Variants in MAPK14 observed in about 807,000 individuals in gnomAD.
MAPK14 encodes the protein CSAID-binding protein.
Under a neutral mutation model 49.6 loss-of-function variants are expected in MAPK14, and 16 were observed. That is an observed-to-expected ratio of 0.32 (90% CI 0.22 to 0.49). MAPK14 has a LOEUF of 0.49. MAPK14 is among the 20% of genes least tolerant of loss of function. MAPK14 has a pLI of 0.99. For synonymous variants in MAPK14, 142 were observed against 158.0 expected (o/e 0.90, Z 0.76); for missense variants, 200 against 441.2 (o/e 0.45, Z 4.90).
intron 8 of MAPK14, among the ~76,000 whole-genome samples, chr6:36,087,527 T>A (rs1325958827): frequency 6.6e-6 from 1 of 152,094 alleles, no homozygotes; most frequent in Non-Finnish European, 1.5e-5. Context: ...GAACTCTTAT[T>A]CACAACTGCT....
At chr6:36,069,272 C>T (rs1764177746) in intron 3 of MAPK14, among the ~76,000 whole-genome samples, 1 of 152,146 alleles carries the variant, frequency 6.6e-6, no homozygotes, top group African/African-American at 2.4e-5. Flanking sequence ...ATTTATATTC[C>T]TTGCCCCCCA....
chr6:36,109,519 A>G lies in MAPK14; in HGVS notation c.*1072A>G, dbSNP rs201655496. On this transcript the variant is annotated 3_prime_UTR_variant, in exon 12 of 12. Coordinates refer to ENST00000229794, the MANE Select transcript of MAPK14 (RefSeq NM_139012.3). The stretch of plus-strand genomic sequence containing the variant: ...ACCTCAGCTGATATTATGGCAAGTG[A>G]TATCACCTCTCTTCAGCCCCTAGTG... The G allele has an allele frequency of 6.6e-6, 1 of 152,626 alleles. No individual in the cohort carries two copies. Among genetic ancestry groups the G allele is most frequent in the South Asian group, 2.1e-4 (1 of 4,830 alleles). 9.5% of individuals were successfully genotyped at this position (152,626 alleles called of 1,614,324 possible).
At chr6:36,073,811 G>A (rs1764407936) in intron 5 of MAPK14, 91 bp downstream of exon 5, 2 of 1,339,060 alleles carry the variant, frequency 1.5e-6, no homozygotes, top group Non-Finnish European at 2.1e-6. Context: ...CTAAACTTTA[G>A]CCATTGAAAT....
At chr6:36,116,268 T>C in the MAPK14 span, among the ~76,000 whole-genome samples, 2 of 152,200 alleles carry the variant, frequency 1.3e-5, no homozygotes, top group African/African-American at 4.8e-5. Flanking sequence ...CATGGCTGAC[T>C]GCTGTCAGTC....
chr6:36,039,945 G>A (rs112187515), intron 1 of MAPK14, among the ~76,000 whole-genome samples: 2,588 of 149,104 alleles, frequency 0.017, 72 homozygotes, highest in African/African-American at 0.06. Context: ...GCAGTGAGCC[G>A]AGATCACTCC....
rs372677054 is a variant in MAPK14 at position 36,064,392 on chromosome 6, T to G, written c.305+5045T>G. On this transcript the variant is annotated intron_variant, in intron 3 of 11. Transcript: ENST00000229794. ...TTCATGGAAACTGAATTGTCATGAGTTAAGTGGAAATTAGTCTTCTGATAC... is the reference window on the plus strand; with the variant it reads ...TTCATGGAAACTGAATTGTCATGAGGTAAGTGGAAATTAGTCTTCTGATAC... 1.2e-3 allele frequency among the ~76,000 whole-genome samples: 179 copies of G among 152,152 alleles called. 3 individuals carry two copies. In the South Asian group the frequency reaches 0.036, roughly 31 times the overall value.
chr6:36,111,907 G>A (rs1181724455), downstream of MAPK14, among the ~76,000 whole-genome samples: 1 of 152,318 alleles, frequency 6.6e-6, no homozygotes, highest in African/African-American at 2.4e-5. Context: ...TTTAGCTCCT[G>A]TTAAGAATCA....
intron 1 of MAPK14, among the ~76,000 whole-genome samples, chr6:36,037,473 A>G (rs1762796923): frequency 6.6e-6 from 1 of 152,050 alleles, no homozygotes; most frequent in African/African-American, 2.4e-5. Flanking sequence ...GGGCAAATGG[A>G]TATATTTTAG....
At chr6:36,064,432 T>C (rs1763964269) in intron 3 of MAPK14, among the ~76,000 whole-genome samples, 1 of 152,184 alleles carries the variant, frequency 6.6e-6, no homozygotes, top group Non-Finnish European at 1.5e-5. Flanking sequence ...TCCTTTATTT[T>C]ACAAGTTCCC....
intron 8 of MAPK14, among the ~76,000 whole-genome samples, chr6:36,094,243 T>A (rs750789905): frequency 6.6e-6 from 1 of 152,238 alleles, no homozygotes; most frequent in Non-Finnish European, 1.5e-5. Context: ...TGGACTTGTT[T>A]CTAGTTTGTT....
intron 4 of MAPK14, among the ~76,000 whole-genome samples, 163 bp from the exon 5 acceptor site, chr6:36,073,528 A>G (rs941107930): frequency 6.6e-6 from 1 of 152,252 alleles, no homozygotes; most frequent in African/African-American, 2.4e-5. Flanking sequence ...TGGAAATTAT[A>G]GTAATGGTAA....
the MAPK14 span, among the ~76,000 whole-genome samples, chr6:36,119,637 T>TGCCTCTGTCCCAGGAACAATAG: frequency 6.6e-6 from 1 of 152,170 alleles, no homozygotes. Flanking sequence ...CCCCTGATTT[T>TGCCTCTGTCCCAGGAACAATAG]GCCTCTGTCC....
chr6:36,076,044 G>C, intron 7 of MAPK14, 82 bp downstream of exon 7: 3 of 1,415,788 alleles, frequency 2.1e-6, no homozygotes, highest in Non-Finnish European at 2.9e-6. Flanking sequence ...GAGATGGTGG[G>C]AGTGGGAAGA....
intron 8 of MAPK14, chr6:36,092,054 A>C (rs969751669): frequency 2.1e-6 from 1 of 484,028 alleles, no homozygotes. Context: ...AGAGCATGGG[A>C]ATAGACTTTG....
At chr6:36,092,288 C>T in intron 8 of MAPK14, 2 of 589,562 alleles carry the variant, frequency 3.4e-6, no homozygotes, top group Non-Finnish European at 6.6e-6. Flanking sequence ...GCAGCGTCCC[C>T]TTTGTAGCCA....
the MAPK14 span, among the ~76,000 whole-genome samples, chr6:36,116,772 C>T: frequency 6.6e-6 from 1 of 152,144 alleles, no homozygotes; most frequent in Admixed American, 6.5e-5. Context: ...CCTTCCTTCA[C>T]CTCCTTCCCC....
intron 2 of MAPK14, among the ~76,000 whole-genome samples, chr6:36,053,959 A>T (rs1436777494): frequency 7.5e-6 from 1 of 133,818 alleles, no homozygotes; most frequent in Admixed American, 7.2e-5. Flanking sequence ...GACAACTTCT[A>T]TTCCTGAGTA....
chr6:36,073,626 C>A, intron 4 of MAPK14, 65 bp from the exon 5 acceptor site: 1 of 1,303,420 alleles, frequency 7.7e-7, no homozygotes, highest in Non-Finnish European at 1.1e-6. Context: ...AAATGTGCAG[C>A]AAATATGTTA....
At chr6:36,058,929 T>A (rs1763691201) in intron 2 of MAPK14, among the ~76,000 whole-genome samples, 1 of 150,032 alleles carries the variant, frequency 6.7e-6, no homozygotes, top group Non-Finnish European at 1.5e-5. Context: ...ACCTGCACTC[T>A]CCCAGGCTGG....
Sources: allele counts gnomAD v4.1 joint callset (sites outside exome capture counted in the v4.1 genomes callset), GRCh38; gene constraint gnomAD v4.1.1; transcripts MANE v1.5; gene names NCBI Gene and HGNC (gene_info 2026-07-23, HGNC 2026-07-21).